Variants in RIN3 observed in about 807,000 individuals in gnomAD.
The protein encoded by RIN3 is RAB5 interacting protein 3.
RIN3 carries 54 observed loss-of-function variants against 76.3 expected under a neutral mutation model. The observed-to-expected ratio is 0.71, with a 90% confidence interval of 0.57 to 0.89. The LOEUF is 0.89. Among genes scored for constraint, RIN3 ranks in the 40% least tolerant of loss-of-function variants. The pLI is 0.00. For synonymous variants in RIN3, 576 were observed against 564.0 expected, an observed-to-expected ratio of 1.02 and a Z score of -0.30; for missense variants, 1,256 against 1,322.1, an observed-to-expected ratio of 0.95 and a Z score of 0.78.
chr14:92,657,930 C>T (rs1887730047), intron 6 of RIN3, among the ~76,000 whole-genome samples: 1 of 152,178 alleles, frequency 6.6e-6, no homozygotes, highest in South Asian at 2.1e-4. Context: ...TCTCTCAGGG[C>T]TAGGGCAGCA....
chr14:92,673,752 T>C (rs1877551504), intron 7 of RIN3, among the ~76,000 whole-genome samples: 4 of 152,232 alleles, frequency 2.6e-5, no homozygotes, highest in Admixed American at 2.6e-4. Flanking sequence ...GTGATCCGCA[T>C]GCGTCGGCCT....
chr14:92,559,949 C>T (rs1897713841), intron 2 of RIN3, among the ~76,000 whole-genome samples: 3 of 152,234 alleles, frequency 2.0e-5, no homozygotes, highest in African/African-American at 7.2e-5. Context: ...GAGCCTGGCT[C>T]TGATTGTTCA....
chr14:92,673,748 C>T (rs7152559), intron 7 of RIN3, among the ~76,000 whole-genome samples: 39,790 of 152,166 alleles, frequency 0.26, 6,599 homozygotes, highest in Non-Finnish European at 0.36. Flanking sequence ...TCAGGTGATC[C>T]GCATGCGTCG....
intron 3 of RIN3, chr14:92,586,478 T>C (rs999964729): frequency 2.0e-5 from 3 of 152,194 alleles, no homozygotes. Flanking sequence ...ACACTGGAGT[T>C]GGGCCAGGAA....
chr14:92,614,816 TA>T (rs1488909837), intron 3 of RIN3, among the ~76,000 whole-genome samples: 8 of 148,650 alleles, frequency 5.4e-5, no homozygotes, highest in Admixed American at 2.0e-4. Flanking sequence ...TATATATATA[TA>T]TATAAATTAT....
chr14:92,579,990 C>G (rs908422420), intron 3 of RIN3, among the ~76,000 whole-genome samples: 1 of 152,212 alleles, frequency 6.6e-6, no homozygotes, highest in Admixed American at 6.5e-5. Flanking sequence ...TCTTCTAGCC[C>G]TAGAAGTAGA....
In RIN3 at chr14:92,685,437, C is replaced by T. The variant is rs1168303050; in HGVS notation, c.2631+287C>T. The T allele has an allele frequency of 5.1e-6, 2 of 391,238 alleles. No homozygotes were observed. The highest frequency in any genetic ancestry group is 3.7e-5 in the Admixed American group (1 of 26,970). The allele number at this position is 391,238 out of a possible 1,614,324, so 24.2% of individuals were successfully genotyped here. A position where few individuals can be genotyped will look rare whatever the true frequency, so the allele number is the denominator to read the frequency against. On this transcript the variant is annotated intron_variant, in intron 9 of 9. Transcript: ENST00000216487. The surrounding 1 kb of genome is among the most constrained non-coding windows in gnomAD (Gnocchi z 4.7). ...AGACACACCCATCATTCCTTAGCCC[C>T]TCCTAGGACCCAGCACCCTGCAGGG...
At chr14:92,653,113 C>A in intron 6 of RIN3, 38 bp downstream of exon 6, 1 of 1,561,192 alleles carries the variant, frequency 6.4e-7, no homozygotes, top group Non-Finnish European at 8.6e-7. Context: ...GAGGAGAGGG[C>A]GGTGGGGCTC....
chr14:92,551,191 T>C (rs182392473), intron 1 of RIN3, among the ~76,000 whole-genome samples: 13 of 152,352 alleles, frequency 8.5e-5, no homozygotes, highest in Non-Finnish European at 1.5e-4. Flanking sequence ...GAACTTCATA[T>C]AGATGGATTC....
chr14:92,659,665 C>T (rs1285122022), intron 7 of RIN3, 196 bp downstream of exon 7: 3 of 494,288 alleles, frequency 6.1e-6, no homozygotes, highest in Non-Finnish European at 7.0e-6. Context: ...GGGAGGAGAG[C>T]CATGATCGGC....
intron 1 of RIN3, among the ~76,000 whole-genome samples, chr14:92,516,359 C>T (rs1286185368): frequency 1.3e-5 from 2 of 152,136 alleles, no homozygotes; most frequent in African/African-American, 4.8e-5. Context: ...TGAAGAGGAG[C>T]CCCTTAACCA....
chr14:92,560,424 T>A (rs1258428874), intron 2 of RIN3, among the ~76,000 whole-genome samples: 1 of 152,106 alleles, frequency 6.6e-6, no homozygotes, highest in Admixed American at 6.5e-5. Flanking sequence ...ACCTCTATAT[T>A]TTCAAGCATA....
At chr14:92,552,085 G>A (rs1193156045) in intron 1 of RIN3, among the ~76,000 whole-genome samples, 3 of 152,224 alleles carry the variant, frequency 2.0e-5, no homozygotes, top group Non-Finnish European at 4.4e-5. Context: ...GGGTGTCTGG[G>A]GTTGAGGGGC....
intron 3 of RIN3, among the ~76,000 whole-genome samples, chr14:92,584,300 T>C (rs955097813): frequency 6.6e-6 from 1 of 152,174 alleles, no homozygotes; most frequent in Non-Finnish European, 1.5e-5. Flanking sequence ...ATCTGGGGCA[T>C]TCAGGCGGGA....
intron 3 of RIN3, among the ~76,000 whole-genome samples, chr14:92,601,773 C>A (rs1885354140): frequency 6.6e-6 from 1 of 152,192 alleles, no homozygotes; most frequent in Admixed American, 6.5e-5. Flanking sequence ...TCCCCTTCCC[C>A]TAAAAATCTC....
At chr14:92,567,559 G>A (rs1897946954) in intron 2 of RIN3, among the ~76,000 whole-genome samples, 2 of 151,814 alleles carry the variant, frequency 1.3e-5, no homozygotes, top group African/African-American at 4.8e-5. Flanking sequence ...AGTCCAAAGG[G>A]TGACATGGAA....
intron 7 of RIN3, 95 bp downstream of exon 7, chr14:92,659,564 C>T (rs1449707973): frequency 8.4e-7 from 1 of 1,192,402 alleles, no homozygotes; most frequent in African/African-American, 1.5e-5. Flanking sequence ...CTTGGAAGGC[C>T]CCAGACTTTC....
At chr14:92,587,606 A>G (rs1393189040) in intron 3 of RIN3, among the ~76,000 whole-genome samples, 2 of 151,672 alleles carry the variant, frequency 1.3e-5, no homozygotes, top group Admixed American at 6.6e-5. Context: ...ATGGGCTGCC[A>G]CCTTCAGGGG....
intron 3 of RIN3, among the ~76,000 whole-genome samples, chr14:92,612,831 G>T (rs1048711984): frequency 6.6e-6 from 1 of 152,242 alleles, no homozygotes; most frequent in African/African-American, 2.4e-5. Context: ...TGCGTCTAGC[G>T]TCGTGTTGGG....
Sources: gnomAD v4.1 joint callset for allele counts (sites outside exome capture counted in the v4.1 genomes callset) on GRCh38, gnomAD v4.1.1 for gene constraint, Gnocchi (gnomAD v3.1) non-coding constraint, MANE v1.5 for transcripts, NCBI Gene and HGNC (gene_info 2026-07-23, HGNC 2026-07-21) for gene names.